Variants in PTPRT observed in about 807,000 individuals in gnomAD.
PTPRT encodes protein tyrosine phosphatase receptor type T.
A neutral mutation model predicts 176.8 loss-of-function variants in PTPRT; 56 were observed. The observed-to-expected ratio is 0.32, with a 90% confidence interval of 0.26 to 0.40. PTPRT has a LOEUF of 0.40. Ranked by LOEUF, PTPRT falls within the 10% of genes least tolerant of loss-of-function variation. The pLI is 1.00. For synonymous variants in PTPRT, 783 were observed against 739.0 expected (o/e 1.06, Z -0.96); for missense variants, 1,540 against 1,908.2 (o/e 0.81, Z 3.60).
intron 2 of PTPRT, among the ~76,000 whole-genome samples, chr20:42,829,595 G>A (rs1490457956): frequency 2.0e-5 from 3 of 152,164 alleles, no homozygotes; most frequent in African/African-American, 7.2e-5. Context: ...GTTGTGGGTG[G>A]CACATGCCTG....
At chr20:42,340,735 G>A (rs547893470) in intron 11 of PTPRT, among the ~76,000 whole-genome samples, 10 of 152,300 alleles carry the variant, frequency 6.6e-5, no homozygotes, top group Admixed American at 5.2e-4. Context: ...GGCAGTTGCG[G>A]ACAGAGACCG....
At chr20:42,128,191 C>G (rs1028290872) in intron 19 of PTPRT, among the ~76,000 whole-genome samples, 3 of 152,154 alleles carry the variant, frequency 2.0e-5, no homozygotes, top group Admixed American at 1.3e-4. Context: ...TAAATCATAT[C>G]TGTGCTTGAA....
chr20:43,164,452 C>T (rs117437010), intron 1 of PTPRT, among the ~76,000 whole-genome samples: 3,137 of 152,282 alleles, frequency 0.021, 37 homozygotes, highest in Non-Finnish European at 0.034. Context: ...CCTATTAACA[C>T]ACCCAAGCTT....
intron 1 of PTPRT, among the ~76,000 whole-genome samples, chr20:42,922,526 C>T (rs1025881945): frequency 4.6e-5 from 7 of 152,210 alleles, no homozygotes; most frequent in East Asian, 1.9e-4. Flanking sequence ...AAGCCAATAT[C>T]GACTACTCTT....
chr20:43,005,275 G>A (rs759975746), intron 1 of PTPRT, among the ~76,000 whole-genome samples: 2 of 152,094 alleles, frequency 1.3e-5, no homozygotes, highest in Non-Finnish European at 2.9e-5. Flanking sequence ...ACCAGCTCCT[G>A]CCCACTCTCC....
At chr20:42,694,334 G>A (rs888051732) in intron 6 of PTPRT, among the ~76,000 whole-genome samples, 3 of 152,042 alleles carry the variant, frequency 2.0e-5, no homozygotes, top group Non-Finnish European at 2.9e-5. Context: ...CACTATGCCC[G>A]GCCTAGTCCA....
At chr20:42,768,739 T>C (rs545398511) in intron 5 of PTPRT, among the ~76,000 whole-genome samples, 64 of 152,320 alleles carry the variant, frequency 4.2e-4, no homozygotes, top group Admixed American at 3.9e-3. Flanking sequence ...TTATGTCCCA[T>C]TGAAAGCCAC....
chr20:42,361,942 C>T (rs1332215623), intron 9 of PTPRT, among the ~76,000 whole-genome samples: 4 of 152,176 alleles, frequency 2.6e-5, no homozygotes, highest in African/African-American at 4.8e-5. Flanking sequence ...TAAAGAGCAT[C>T]GGCAATATTT....
Position 42,610,854 on chromosome 20 carries a change from A to T in PTPRT, c.1153+67012T>A, listed in dbSNP as rs532031586. On this transcript the variant is annotated intron_variant, in intron 7 of 30. Coordinates refer to ENST00000373187, the MANE Select transcript of PTPRT (RefSeq NM_007050.6). ...ATTCCATACCCTTCACTTCCACACAAACTCTTTGCCTAGGCAACCACTAAT... is the reference window on the plus strand; with the variant it reads ...ATTCCATACCCTTCACTTCCACACATACTCTTTGCCTAGGCAACCACTAAT... Among the ~76,000 whole-genome samples the T allele has an allele frequency of 2.0e-4, 30 of 152,322 alleles. No individual in the cohort carries two copies. In the South Asian group the frequency reaches 6.2e-3, roughly 32 times the overall value.
chr20:42,589,613 T>C (rs180993826), intron 7 of PTPRT, among the ~76,000 whole-genome samples: 2 of 152,262 alleles, frequency 1.3e-5, no homozygotes, highest in Admixed American at 1.3e-4. Context: ...AAATGCTTTA[T>C]TGACATGGCT....
chr20:42,762,174 A>G (rs2076924209), intron 5 of PTPRT, among the ~76,000 whole-genome samples: 1 of 152,176 alleles, frequency 6.6e-6, no homozygotes, highest in Admixed American at 6.5e-5. Context: ...GATTCTTTTA[A>G]TATATTATTA....
chr20:42,370,843 C>CAGTGAGATGTGGGA (rs1301350569), intron 9 of PTPRT, among the ~76,000 whole-genome samples: 13 of 152,172 alleles, frequency 8.5e-5, no homozygotes, highest in Non-Finnish European at 1.9e-4. Flanking sequence ...CTGTTACTCC[C>CAGTGAGATGTGGGA]ACATCATCTC....
At chr20:42,433,554 C>T (rs1226946364) in intron 9 of PTPRT, among the ~76,000 whole-genome samples, 2 of 152,158 alleles carry the variant, frequency 1.3e-5, no homozygotes, top group Non-Finnish European at 2.9e-5. Context: ...TGATGTCCAT[C>T]ATGGGAATGG....
At chr20:43,119,047 A>T (rs2013159247) in intron 1 of PTPRT, among the ~76,000 whole-genome samples, 1 of 152,226 alleles carries the variant, frequency 6.6e-6, no homozygotes, top group South Asian at 2.1e-4. Flanking sequence ...CTAAATATCC[A>T]ATATTAAAGG....
At chr20:42,435,086 G>C (rs1465273958) in intron 9 of PTPRT, among the ~76,000 whole-genome samples, 3 of 152,114 alleles carry the variant, frequency 2.0e-5, no homozygotes, top group Non-Finnish European at 1.5e-5. Flanking sequence ...TTGTGTTCCA[G>C]GTACTAGGTA....
intron 7 of PTPRT, among the ~76,000 whole-genome samples, chr20:42,505,485 A>G (rs1301950188): frequency 2.0e-5 from 3 of 152,064 alleles, no homozygotes; most frequent in African/African-American, 7.2e-5. Flanking sequence ...TATTTTTAGT[A>G]GAGACCAGGT....
chr20:42,060,081 A>G, the PTPRT span, among the ~76,000 whole-genome samples: 1 of 152,078 alleles, frequency 6.6e-6, no homozygotes, highest in African/African-American at 2.4e-5. Flanking sequence ...ACTTTCTACA[A>G]CCTGATGAGA....
At chr20:42,289,317 AC>A (rs909965039) in intron 12 of PTPRT, among the ~76,000 whole-genome samples, 1 of 152,004 alleles carries the variant, frequency 6.6e-6, no homozygotes, top group African/African-American at 2.4e-5. Flanking sequence ...CAAAAGAAAA[AC>A]AAAAACAAAA....
chr20:42,266,904 A>C (rs1001872428), intron 13 of PTPRT, among the ~76,000 whole-genome samples: 1 of 152,218 alleles, frequency 6.6e-6, no homozygotes, highest in Admixed American at 6.5e-5. Context: ...GAATTTAAAA[A>C]TTTATTTTAT....
Sources: allele counts gnomAD v4.1 joint callset (sites outside exome capture counted in the v4.1 genomes callset), GRCh38; gene constraint gnomAD v4.1.1; transcripts MANE v1.5; gene names NCBI Gene and HGNC (gene_info 2026-07-23, HGNC 2026-07-21).